The following MTMR6 variants were observed in gnomAD, a reference collection of about 807,000 sequenced individuals.
MTMR6 encodes the protein phosphatidylinositol-3,5-bisphosphate 3-phosphatase MTMR6.
In MTMR6, 47 loss-of-function variants were observed where a neutral mutation model predicts 80.1. That is an observed-to-expected ratio of 0.59 (90% CI 0.46 to 0.75). The LOEUF (loss-of-function observed/expected upper bound fraction) is 0.75, where lower values mean the gene tolerates loss of function less well. Ranked by LOEUF, MTMR6 falls within the 30% of genes least tolerant of loss-of-function variation. MTMR6 has a pLI of 0.00. For synonymous variants in MTMR6, 254 were observed against 253.0 expected (o/e 1.00, Z -0.04); for missense variants, 629 against 730.9 (o/e 0.86, Z 1.61).
Position 25,253,979 on chromosome 13 carries a change from A to G in MTMR6, c.1146-15T>C. ...ACTGGCCACACCTAACCCCACAGAA[A>G]GTATAAGCTTTTAAAAACACCTCTG... On this transcript the variant is annotated splice_polypyrimidine_tract_variant and intron_variant, in intron 10 of 13. Coordinates refer to ENST00000381801, the MANE Select transcript of MTMR6 (RefSeq NM_004685.5). 1 of 1,613,162 alleles carries G rather than the reference A, an allele frequency of 6.2e-7. No individual in the cohort carries two copies. Among genetic ancestry groups the G allele is most frequent in the Non-Finnish European group, 8.5e-7 (1 of 1,179,304 alleles).
At chr13:25,265,762 C>A in intron 5 of MTMR6, 57 bp downstream of exon 5, 12 of 1,504,432 alleles carry the variant, frequency 8.0e-6, no homozygotes, top group South Asian at 2.4e-5. Flanking sequence ...ATTTTAGATA[C>A]TTAAACCTGA....
Position 25,258,692 on chromosome 13 carries a change from G to T in MTMR6, c.727C>A (p.Leu243Met). 1 of 1,525,820 alleles carries T rather than the reference G, an allele frequency of 6.6e-7. No individual in the cohort carries two copies. The highest frequency in any genetic ancestry group is 1.3e-5 in the South Asian group (1 of 76,988). 94.5% of individuals were successfully genotyped at this position (1,525,820 alleles called of 1,614,324 possible). The change falls in exon 7 of 14, where the codon CTG becomes ATG. Residue 243 changes from leucine (L) to methionine (M), a missense_variant and splice_region_variant. By Grantham distance (15) the Leu-to-Met change is conservative. Transcript: ENST00000381801. The stretch of plus-strand genomic sequence containing the variant: ...GCTGCTCTGTTGGCCATTGCATTCA[G>T]CTAAAATTAAAAGTTTTAGAAATTT... ...YMYVMDTRPK[L>M]NAMANRAAGK...
intron 2 of MTMR6, among the ~76,000 whole-genome samples, chr13:25,272,571 T>G (rs915222684): frequency 6.6e-6 from 1 of 152,134 alleles, no homozygotes; most frequent in African/African-American, 2.4e-5. Context: ...AAGAGGTAGT[T>G]TTTCAACCCT....
At chr13:25,280,714 T>C (rs1287365055) in intron 1 of MTMR6, among the ~76,000 whole-genome samples, 1 of 151,844 alleles carries the variant, frequency 6.6e-6, no homozygotes, top group Admixed American at 6.6e-5. Context: ...AAGAAACTAT[T>C]AGGATCCTTA....
intron 11 of MTMR6, among the ~76,000 whole-genome samples, chr13:25,252,897 C>G (rs1444303704): frequency 6.6e-6 from 1 of 152,186 alleles, no homozygotes; most frequent in Non-Finnish European, 1.5e-5. Flanking sequence ...CTCAGTTCTG[C>G]TGTTTACTCT....
chr13:25,285,813 C>T (rs9511739), intron 1 of MTMR6, among the ~76,000 whole-genome samples: 12,712 of 152,220 alleles, frequency 0.084, 819 homozygotes, highest in Admixed American at 0.2. Context: ...GGATTACAGG[C>T]GTGAGCCACC....
rs1246015107 is a variant in MTMR6, at chr13:25,253,875, G to A, written c.1235C>T (p.Pro412Leu). Reference sequence around the variant, plus strand: ...TGCTTCACTGAATTCAAAGGCTTGTGGAAACTGTTCGGTCAAATGCCACAC... The same window carrying A: ...TGCTTCACTGAATTCAAAGGCTTGTAGAAACTGTTCGGTCAAATGCCACAC... ...ECVWHLTEQF[P>L]QAFEFSEAFL... The change falls in exon 11 of 14, where the codon CCA becomes CTA. Residue 412 changes from proline to leucine, a missense_variant. By Grantham distance (98) the Pro-to-Leu change is moderately conservative. Transcript: ENST00000381801. 4.3e-6 allele frequency: 7 copies of A among 1,613,970 alleles called. No individual in the cohort carries two copies. Among genetic ancestry groups the A allele is most frequent in the South Asian group, 1.1e-5 (1 of 91,088 alleles).
chr13:25,247,353 A>G lies in MTMR6; in HGVS notation c.*1879T>C, dbSNP rs1470071219. ...ACACTTCCAAACACACTGAACATAA[A>G]TTCAACTTTATAAGACATATACACA... On this transcript the variant is annotated 3_prime_UTR_variant, in exon 14 of 14. Coordinates refer to ENST00000381801, the MANE Select transcript of MTMR6 (RefSeq NM_004685.5). The G allele has an allele frequency of 7.2e-5, 11 of 152,664 alleles. No individual in the cohort carries two copies. The highest frequency in any genetic ancestry group is 1.5e-4 in the Non-Finnish European group (10 of 68,024). The allele number at this position is 152,664 out of a possible 1,614,324, so 9.5% of individuals were successfully genotyped here.
intron 13 of MTMR6, 72 bp from the exon 14 acceptor site, chr13:25,249,564 A>G: frequency 6.9e-7 from 1 of 1,454,068 alleles, no homozygotes. Context: ...AAAAGAAAAC[A>G]TGCTTTTGCA....
chr13:25,270,988 C>T (rs1235196357), intron 2 of MTMR6, among the ~76,000 whole-genome samples: 10 of 152,076 alleles, frequency 6.6e-5, no homozygotes, highest in Admixed American at 6.6e-4. Context: ...TATTTTCTTT[C>T]ATCTAAGACT....
At position 25,251,678 on chromosome 13, in the gene MTMR6, A is replaced by G. The variant is rs770720770; in HGVS notation, c.1576T>C (p.Leu526=). ...TCTAGGTCTTTAATATCTTTCTCTA[A>G]TTGTTTATTTTGCTCATTCATATTC... ...IMNMNEQNKQ[L]EKDIKDLESK... Residue 526 remains leucine, a synonymous_variant, in exon 13 of 14, where the codon TTA becomes CTA. Transcript: ENST00000381801. The surrounding 1 kb of genome is among the most constrained non-coding windows in gnomAD (Gnocchi z 4.1). 4 of 1,527,636 alleles carry G rather than the reference A, an allele frequency of 2.6e-6. No individual in the cohort carries two copies. The highest frequency in any genetic ancestry group is 3.6e-6 in the Non-Finnish European group (4 of 1,110,414). The allele number at this position is 1,527,636 out of a possible 1,614,324, so 94.6% of individuals were successfully genotyped here. A position where few individuals can be genotyped will look rare whatever the true frequency, so the allele number is the denominator to read the frequency against.
intron 1 of MTMR6, among the ~76,000 whole-genome samples, chr13:25,286,635 TC>T (rs931276484): frequency 3.3e-5 from 5 of 152,200 alleles, no homozygotes; most frequent in African/African-American, 1.2e-4. Flanking sequence ...ATAACATTTT[TC>T]CCTTCTCCAG....
intron 1 of MTMR6, among the ~76,000 whole-genome samples, chr13:25,286,370 T>A: frequency 6.6e-6 from 1 of 152,214 alleles, no homozygotes; most frequent in East Asian, 1.9e-4. Context: ...TGCCTTGCAG[T>A]GGGCTCGCAG....
At chr13:25,275,917 G>C (rs1957716190) in intron 1 of MTMR6, among the ~76,000 whole-genome samples, 2 of 147,872 alleles carry the variant, frequency 1.4e-5, no homozygotes, top group South Asian at 4.3e-4. Context: ...GGAGAGGAGG[G>C]GAGGGGAGAG....
chr13:25,255,893 T>G (rs1301725379), intron 9 of MTMR6, among the ~76,000 whole-genome samples: 3 of 152,212 alleles, frequency 2.0e-5, no homozygotes, highest in African/African-American at 7.2e-5. Flanking sequence ...TATTTTAGTT[T>G]GGTAAAATTA....
chr13:25,285,845 T>G (rs1957945046), intron 1 of MTMR6, among the ~76,000 whole-genome samples: 1 of 152,172 alleles, frequency 6.6e-6, no homozygotes, highest in Non-Finnish European at 1.5e-5. Context: ...TTTACCGGTT[T>G]TCGATTGTGT....
intron 1 of MTMR6, among the ~76,000 whole-genome samples, chr13:25,280,332 T>C (rs1415872929): frequency 6.6e-6 from 1 of 152,234 alleles, no homozygotes; most frequent in Non-Finnish European, 1.5e-5. Context: ...ATGTGACAGA[T>C]AGTGAAATTA....
Position 25,248,991 on chromosome 13 carries a change from T to G in MTMR6, c.*241A>C, listed in dbSNP as rs1957032302. On this transcript the variant is annotated 3_prime_UTR_variant, in exon 14 of 14. Transcript: ENST00000381801. ...ACTAGTGTACAGTGCAAATTGTGTT[T>G]TGAGTAAATACATCAAATACCACTC... 1.6e-5 allele frequency: 8 copies of G among 488,614 alleles called. No individual in the cohort carries two copies. The highest frequency in any genetic ancestry group is 1.6e-4 in the East Asian group (5 of 31,222). 30.3% of individuals were successfully genotyped at this position (488,614 alleles called of 1,614,324 possible).
intron 6 of MTMR6, among the ~76,000 whole-genome samples, chr13:25,261,303 TAAAA>T (rs56833434): frequency 1.2e-4 from 5 of 40,838 alleles, no homozygotes; most frequent in South Asian, 1.4e-3. Context: ...AACTCTGTCT[TAAAA>T]AAAAAAAAAA....
Sources: gnomAD v4.1 joint callset for allele counts (sites outside exome capture counted in the v4.1 genomes callset) on GRCh38, gnomAD v4.1.1 for gene constraint, Gnocchi (gnomAD v3.1) non-coding constraint, MANE v1.5 for transcripts, NCBI Gene and HGNC (gene_info 2026-07-23, HGNC 2026-07-21) for gene names.